SLC26A7: variants seen among roughly 807,000 people sequenced by gnomAD.
SLC26A7 encodes the protein anion exchange transporter.
In SLC26A7, 59 loss-of-function variants were observed where a neutral mutation model predicts 82.5. The ratio of observed to expected loss-of-function variants is 0.72; its 90% CI spans 0.58 to 0.89. The LOEUF (loss-of-function observed/expected upper bound fraction) is 0.89. SLC26A7 is among the 40% of genes least tolerant of loss of function. The pLI is 0.00. For missense variants in SLC26A7, 820 were observed against 793.0 expected (o/e 1.03, Z -0.41); for synonymous variants, 271 against 274.3 (o/e 0.99, Z 0.12).
chr8:91,334,156 C>A, intron 5 of SLC26A7, 139 bp from the exon 6 acceptor site: 1 of 739,580 alleles, frequency 1.4e-6, no homozygotes, highest in Non-Finnish European at 2.1e-6. Flanking sequence ...CACTGACTAC[C>A]CGCCTACCTA....
intron 3 of SLC26A7, among the ~76,000 whole-genome samples, chr8:91,293,867 C>T (rs1038102882): frequency 3.9e-5 from 6 of 152,138 alleles, no homozygotes; most frequent in Admixed American, 2.0e-4. Flanking sequence ...TCCCGAGCAT[C>T]GTGTTGTAAT....
chr8:91,275,770 C>T (rs1255306872), intron 2 of SLC26A7, among the ~76,000 whole-genome samples: 1 of 152,182 alleles, frequency 6.6e-6, no homozygotes, highest in Non-Finnish European at 1.5e-5. Context: ...AAGCCACTTC[C>T]TCCTCTAAGG....
intron 1 of SLC26A7, among the ~76,000 whole-genome samples, chr8:91,218,698 C>A (rs1810103458): frequency 6.6e-6 from 1 of 152,050 alleles, no homozygotes; most frequent in African/African-American, 2.4e-5. Flanking sequence ...TTTTGTTTAG[C>A]ATTTGAGTAT....
chr8:91,260,987 C>A (rs1017696988), intron 2 of SLC26A7, among the ~76,000 whole-genome samples: 1 of 152,102 alleles, frequency 6.6e-6, no homozygotes, highest in African/African-American at 2.4e-5. Context: ...TAACCCTAAT[C>A]CTGCTGATAT....
intron 6 of SLC26A7, among the ~76,000 whole-genome samples, chr8:91,334,714 G>T (rs1324849301): frequency 6.6e-6 from 1 of 152,118 alleles, no homozygotes; most frequent in African/African-American, 2.4e-5. Flanking sequence ...AGAACATATA[G>T]CTTAAGATCT....
intron 3 of SLC26A7, among the ~76,000 whole-genome samples, chr8:91,294,044 G>A (rs1811948690): frequency 6.6e-6 from 1 of 152,188 alleles, no homozygotes; most frequent in Admixed American, 6.5e-5. Flanking sequence ...CAGTGGTCAT[G>A]ATTTATTGAT....
intron 15 of SLC26A7, among the ~76,000 whole-genome samples, chr8:91,384,668 A>G (rs1189099764): frequency 2.6e-5 from 4 of 152,090 alleles, no homozygotes; most frequent in African/African-American, 9.7e-5. Flanking sequence ...TGTTGAGGGC[A>G]GTGATTACTG....
intron 2 of SLC26A7, among the ~76,000 whole-genome samples, chr8:91,259,104 G>T (rs1472540942): frequency 1.3e-5 from 2 of 152,042 alleles, no homozygotes; most frequent in Non-Finnish European, 2.9e-5. Flanking sequence ...CCACAGGCGT[G>T]CATTGATTGG....
chr8:91,270,571 A>T (rs1811241863), intron 2 of SLC26A7, among the ~76,000 whole-genome samples: 1 of 152,138 alleles, frequency 6.6e-6, no homozygotes, highest in African/African-American at 2.4e-5. Flanking sequence ...TTCAGGCCTC[A>T]GGTGGTTATT....
At chr8:91,343,609 C>A (rs1586433464) in intron 9 of SLC26A7, 143 bp downstream of exon 9, 2 of 566,100 alleles carry the variant, frequency 3.5e-6, no homozygotes, top group East Asian at 2.9e-5. Flanking sequence ...TAAGAAAGTC[C>A]TTCTCTCTCT....
chr8:91,282,167 A>G (rs1253206005), intron 2 of SLC26A7, among the ~76,000 whole-genome samples: 1 of 152,158 alleles, frequency 6.6e-6, no homozygotes, highest in Non-Finnish European at 1.5e-5. Flanking sequence ...CAGCACCTAC[A>G]TCAACCTGGC....
intron 18 of SLC26A7, 86 bp downstream of exon 18, chr8:91,394,125 A>T: frequency 6.3e-7 from 1 of 1,587,520 alleles, no homozygotes; most frequent in East Asian, 2.3e-5. Flanking sequence ...TTAGCTTATT[A>T]CTCCATTGGC....
At chr8:91,233,208 C>CAGAAGAGG (rs1810332958) in intron 2 of SLC26A7, among the ~76,000 whole-genome samples, 1 of 152,072 alleles carries the variant, frequency 6.6e-6, no homozygotes, top group Non-Finnish European at 1.5e-5. Context: ...AGGATAAGTG[C>CAGAAGAGG]AGAAGAGGAG....
intron 18 of SLC26A7, 108 bp from the exon 19 acceptor site, chr8:91,394,954 T>C: frequency 7.6e-7 from 1 of 1,317,144 alleles, no homozygotes; most frequent in South Asian, 1.3e-5. Flanking sequence ...GTTCATTTTC[T>C]TTGGCTTAGC....
At chr8:91,286,179 A>G (rs1311666095) in intron 2 of SLC26A7, among the ~76,000 whole-genome samples, 1 of 152,120 alleles carries the variant, frequency 6.6e-6, no homozygotes, top group Non-Finnish European at 1.5e-5. Context: ...TGCCTAGGGA[A>G]GCCAATCTCA....
chr8:91,305,254 C>T (rs770922397), intron 4 of SLC26A7, among the ~76,000 whole-genome samples: 8 of 151,888 alleles, frequency 5.3e-5, no homozygotes, highest in Non-Finnish European at 8.8e-5. Flanking sequence ...CATCCTTCAC[C>T]GGAAGATAGG....
intron 5 of SLC26A7, among the ~76,000 whole-genome samples, chr8:91,332,575 T>A (rs1227891122): frequency 6.7e-6 from 1 of 149,580 alleles, no homozygotes; most frequent in Non-Finnish European, 1.5e-5. Context: ...TTGCCCAGGC[T>A]GGAGTGTAGT....
chr8:91,296,515 C>T (rs188717613), intron 4 of SLC26A7, among the ~76,000 whole-genome samples: 15 of 151,552 alleles, frequency 9.9e-5, no homozygotes, highest in Non-Finnish European at 1.6e-4. Flanking sequence ...CCAAGAAGGG[C>T]GAAAAATAGT....
At chr8:91,247,717 TA>T (rs1810565313), upstream of SLC26A7, among the ~76,000 whole-genome samples, 1 of 152,172 alleles carries the variant, frequency 6.6e-6, no homozygotes, top group South Asian at 2.1e-4. Context: ...CTTCAATTCA[TA>T]AAATCCTGTT....
Sources: gnomAD v4.1 joint callset for allele counts (sites outside exome capture counted in the v4.1 genomes callset) on GRCh38, gnomAD v4.1.1 for gene constraint, MANE v1.5 for transcripts, NCBI Gene and HGNC (gene_info 2026-07-23, HGNC 2026-07-21) for gene names.